The following ORMDL3 variants were observed in gnomAD, a reference collection of about 807,000 sequenced individuals.
The protein encoded by ORMDL3 is ORMDL sphingolipid biosynthesis regulator 3.
A neutral mutation model predicts 12.6 loss-of-function variants in ORMDL3; 6 were observed. The ratio of observed to expected loss-of-function variants is 0.48; its 90% confidence interval spans 0.26 to 0.94. The LOEUF is 0.94. ORMDL3 is among the 40% of genes least tolerant of loss of function. The pLI, the probability that ORMDL3 is intolerant of heterozygous loss-of-function variation, is 0.14. For synonymous variants in ORMDL3, 99 were observed against 87.2 expected (o/e 1.14, Z -0.75); for missense variants, 159 against 205.5 (o/e 0.77, Z 1.38).
rs1299668879 is a variant in ORMDL3, at chr17:39,922,641, A to G, written c.371T>C (p.Phe124Ser). ...SFYTKYDQIH[F>S]VLNTVSLMSV... ...CATCAGGGACACGGTGTTGAGCACA[A>G]AATGGATCTGGTCGTACTTAGTGTA... The change falls in exon 4 of 4, where the codon TTT becomes TCT. Residue 124 changes from phenylalanine (F) to serine (S), a missense_variant. By Grantham distance (155) the Phe-to-Ser change is radical. Transcript: ENST00000304046. The G allele has an allele frequency of 1.2e-6, 2 of 1,614,128 alleles. No individual in the cohort carries two copies. The highest frequency in any genetic ancestry group is 1.7e-6 in the Non-Finnish European group (2 of 1,179,986).
chr17:39,926,971 C>A, intron 1 of ORMDL3: 1 of 985,772 alleles, frequency 1.0e-6, no homozygotes, highest in Non-Finnish European at 1.2e-6. Context: ...GGCCCAGCCA[C>A]CCCGACTGGG....
At chr17:39,923,054 T>C in intron 3 of ORMDL3, 58 bp downstream of exon 3, 1 of 1,603,714 alleles carries the variant, frequency 6.2e-7, no homozygotes, top group Non-Finnish European at 8.5e-7. Context: ...GGCTGGGCCC[T>C]GGGGTCCTCC....
intron 3 of ORMDL3, 58 bp from the exon 4 acceptor site, chr17:39,922,743 C>A: frequency 1.9e-6 from 3 of 1,572,752 alleles, no homozygotes; most frequent in South Asian, 1.2e-5. Flanking sequence ...CCCTTCCTCC[C>A]TCACTTCCTG....
At chr17:39,924,356 G>C in intron 1 of ORMDL3, 131 bp from the exon 2 acceptor site, 1 of 849,700 alleles carries the variant, frequency 1.2e-6, no homozygotes, top group East Asian at 2.8e-5. Context: ...TGATTCTGAA[G>C]CATGGAAAGT....
chr17:39,927,166 G>T (rs1046331992), intron 1 of ORMDL3: 107 of 290,178 alleles, frequency 3.7e-4, no homozygotes, highest in Non-Finnish European at 4.4e-4. Flanking sequence ...AACCCGGTCC[G>T]GTCCGGGACC....
At position 39,922,159 on chromosome 17, in the gene ORMDL3, C is replaced by T. The variant is rs2144741904; in HGVS notation, c.*391G>A. On this transcript the variant is annotated 3_prime_UTR_variant, in exon 4 of 4. Coordinates refer to ENST00000304046, the MANE Select transcript of ORMDL3 (RefSeq NM_139280.4). The stretch of plus-strand genomic sequence containing the variant: ...CCAGAAGCCGTACCGCCCTCTGCTC[C>T]CTATGCAGGGGTTAAAGTGCTTTGG... 5.9e-6 allele frequency: 1 copy of T among 168,850 alleles called. No homozygotes were observed. Among genetic ancestry groups the T allele is most frequent in the East Asian group, 1.7e-4 (1 of 5,996 alleles). 10.5% of individuals were successfully genotyped at this position (168,850 alleles called of 1,614,324 possible). A position where few individuals can be genotyped will look rare whatever the true frequency, so the allele number is the denominator to read the frequency against.
Position 39,922,629 on chromosome 17 carries a change from G to A in ORMDL3, c.383C>T (p.Thr128Ile). ...GATAAGCACGCTCATCAGGGACACG[G>A]TGTTGAGCACAAAATGGATCTGGTC... Reference protein sequence around the residue: ...KYDQIHFVLNTVSLMSVLIPK... With the variant: ...KYDQIHFVLNIVSLMSVLIPK... The change falls in exon 4 of 4, where the codon ACC (threonine) becomes ATC (isoleucine). Residue 128 changes from threonine (T) to isoleucine (I), a missense_variant. By Grantham distance (89) the Thr-to-Ile change is moderately conservative. Coordinates refer to ENST00000304046, the MANE Select transcript of ORMDL3 (RefSeq NM_139280.4). 1 of 1,614,152 alleles carries A rather than the reference G, an allele frequency of 6.2e-7. No homozygotes were observed. Among genetic ancestry groups the A allele is most frequent in the Non-Finnish European group, 8.5e-7 (1 of 1,179,978 alleles).
In ORMDL3 at chr17:39,924,150, G is replaced by A. The variant is rs1196752210; in HGVS notation, c.54C>T (p.Asn18=). The A allele has an allele frequency of 6.2e-7, 1 of 1,614,052 alleles. No homozygotes were observed. The highest frequency in any genetic ancestry group is 8.5e-7 in the Non-Finnish European group (1 of 1,179,940). ...CGTAGGAGAGCCAGATGCCACGGCT[G>A]TTCATCACCCGCGTGTTGGGGTTCA... ...SEVNPNTRVM[N]SRGIWLSYVL... The change falls in exon 2 of 4, where the codon AAC becomes AAT. Residue 18 remains asparagine (N), a synonymous_variant. Coordinates refer to ENST00000304046, the MANE Select transcript of ORMDL3 (RefSeq NM_139280.4).
In ORMDL3 at chr17:39,927,536, G is replaced by A. The variant is rs914441682; in HGVS notation, c.-75C>T. ...GGAACGGTTCCCGGGAGCGGGGGCC[G>A]CTGCTGCTCCAGCAGCTGTAACAAC... On this transcript the variant is annotated 5_prime_UTR_variant, in exon 1 of 4. Coordinates refer to ENST00000304046, the MANE Select transcript of ORMDL3 (RefSeq NM_139280.4). 2.5e-5 allele frequency: 25 copies of A among 985,358 alleles called. No homozygotes were observed. The highest frequency in any genetic ancestry group is 3.0e-5 in the Non-Finnish European group (25 of 829,972). The allele number at this position is 985,358 out of a possible 1,614,324, so 61.0% of individuals were successfully genotyped here.
In ORMDL3 at chr17:39,922,670, G is replaced by A. The variant is rs143899860; in HGVS notation, c.342C>T (p.Ser114=). Residue 114 remains serine, a synonymous_variant, in exon 4 of 4, where the codon AGC becomes AGT. Coordinates refer to ENST00000304046, the MANE Select transcript of ORMDL3 (RefSeq NM_139280.4). ...GGATCTGGTCGTACTTAGTGTAGAA[G>A]CTGGTGAGGAAGTACCTGGGAGGGG... ...ITPIVLYFLT[S]FYTKYDQIHF... 4 of 1,613,776 alleles carry A rather than the reference G, an allele frequency of 2.5e-6. No individual in the cohort carries two copies. Among genetic ancestry groups the A allele is most frequent in the Admixed American group, 3.3e-5 (2 of 60,004 alleles).
At position 39,924,068 on chromosome 17, in the gene ORMDL3, G is replaced by A; in HGVS notation, c.136C>T (p.Pro46Ser). The A allele has an allele frequency of 1.2e-6, 2 of 1,613,132 alleles. No homozygotes were observed. The highest frequency in any genetic ancestry group is 1.7e-6 in the Non-Finnish European group (2 of 1,179,450). ...VLLSIPFVSV[P>S]VVWTLTNLIH... Reference sequence around the variant, plus strand: ...AGGTTGGTGAGGGTCCAGACGACAGGGACACTCACAAACGGGATGCTCAGC... The same window carrying A: ...AGGTTGGTGAGGGTCCAGACGACAGAGACACTCACAAACGGGATGCTCAGC... Residue 46 changes from proline (P) to serine (S), a missense_variant, in exon 2 of 4, where the codon CCT becomes TCT. Physicochemically the swap from Pro to Ser is moderately conservative, Grantham distance 74 (BLOSUM62 -1). Transcript: ENST00000304046.
chr17:39,921,920 A>T lies in ORMDL3; in HGVS notation c.*630T>A, dbSNP rs1194669873. ...CCTGGCCCCCTCACCTCTGGAACCAAGCCATCTACACTCTACCCCATCTTT... is the reference window on the plus strand; with the variant it reads ...CCTGGCCCCCTCACCTCTGGAACCATGCCATCTACACTCTACCCCATCTTT... On this transcript the variant is annotated 3_prime_UTR_variant, in exon 4 of 4. Transcript: ENST00000304046. 1 of 151,494 alleles carries T rather than the reference A, an allele frequency of 6.6e-6. No individual in the cohort carries two copies. The highest frequency in any genetic ancestry group is 2.4e-5 in the African/African-American group (1 of 41,052). The allele number at this position is 151,494 out of a possible 1,614,324, so 9.4% of individuals were successfully genotyped here.
Position 39,923,266 on chromosome 17 carries a change from G to C in ORMDL3, c.175-3C>G. 1.2e-6 allele frequency: 2 copies of C among 1,614,050 alleles called. No homozygotes were observed. The highest frequency in any genetic ancestry group is 1.7e-6 in the Non-Finnish European group (2 of 1,179,914). On this transcript the variant is annotated splice_region_variant and splice_polypyrimidine_tract_variant and intron_variant, in intron 2 of 3. Transcript: ENST00000304046. The stretch of plus-strand genomic sequence containing the variant: ...GTGTGCAGGAAGATATACATGCCCT[G>C]GAGGAAGAAGTCTTTGTTAGAGGAT...
intron 1 of ORMDL3, chr17:39,927,153 C>T (rs1300633407): frequency 2.8e-6 from 1 of 357,020 alleles, no homozygotes; most frequent in Non-Finnish European, 3.9e-6. Flanking sequence ...TCTTCGCACT[C>T]GGAACCCGGT....
At chr17:39,923,013 C>T (rs1438556244) in intron 3 of ORMDL3, 99 bp downstream of exon 3, 1 of 1,486,704 alleles carries the variant, frequency 6.7e-7, no homozygotes, top group African/African-American at 1.4e-5. Context: ...TTCATCCCTA[C>T]ACCAGGAGCC....
chr17:39,924,103 TGGA>T lies in ORMDL3; in HGVS notation c.98_100del (p.Leu33del), dbSNP rs754163391. ...AAACGGGATGCTCAGCAGCACGATG[TGGA>T]GGAGACCGATGGCCAGCACGTAGGA... On this transcript the variant is annotated inframe_deletion, in exon 2 of 4. Coordinates refer to ENST00000304046, the MANE Select transcript of ORMDL3 (RefSeq NM_139280.4). 2 of 1,614,116 alleles carry T rather than the reference TGGA, an allele frequency of 1.2e-6. No individual in the cohort carries two copies. Among genetic ancestry groups the T allele is most frequent in the African/African-American group, 1.3e-5 (1 of 75,060 alleles).
chr17:39,923,280 T>C lies in ORMDL3; in HGVS notation c.175-17A>G. Reference sequence around the variant, plus strand: ...ATACATGCCCTGGAGGAAGAAGTCTTTGTTAGAGGATACAAAAGGGAAAGG... The same window carrying C: ...ATACATGCCCTGGAGGAAGAAGTCTCTGTTAGAGGATACAAAAGGGAAAGG... On this transcript the variant is annotated splice_polypyrimidine_tract_variant and intron_variant, in intron 2 of 3. Transcript: ENST00000304046. The C allele has an allele frequency of 6.2e-7, 1 of 1,613,664 alleles. No individual in the cohort carries two copies. The highest frequency in any genetic ancestry group is 1.3e-5 in the African/African-American group (1 of 74,992).
At chr17:39,923,903 A>G in intron 2 of ORMDL3, 127 bp downstream of exon 2, 1 of 964,314 alleles carries the variant, frequency 1.0e-6, no homozygotes, top group South Asian at 1.8e-5. Flanking sequence ...CTGGAGGCAG[A>G]TGTCGTCAGT....
intron 1 of ORMDL3, 62 bp from the exon 2 acceptor site, chr17:39,924,287 G>A (rs879276424): frequency 4.5e-5 from 66 of 1,469,522 alleles, no homozygotes; most frequent in East Asian, 9.6e-5. Flanking sequence ...TCTCACCCTC[G>A]GATCCCGCTG....
Sources: allele counts gnomAD v4.1 joint callset, GRCh38; gene constraint gnomAD v4.1.1; transcripts MANE v1.5; gene names NCBI Gene and HGNC (gene_info 2026-07-23, HGNC 2026-07-21).